The following NRXN3 variants were observed in gnomAD, a reference collection of about 807,000 sequenced individuals.
The protein encoded by NRXN3 is neurexin 3.
Under a neutral mutation model 137.6 loss-of-function variants are expected in NRXN3, and 32 were observed. The observed-to-expected ratio is 0.23, with a 90% confidence interval of 0.18 to 0.31. The LOEUF is 0.31. Among genes scored for constraint, NRXN3 ranks in the 10% least tolerant of loss-of-function variants. The pLI, the probability that NRXN3 is intolerant of heterozygous loss-of-function variation, is 1.00. For missense variants in NRXN3, 1,574 were observed against 2,062.5 expected (o/e 0.76, Z 4.59); for synonymous variants, 798 against 784.5 (o/e 1.02, Z -0.29).
intron 4 of NRXN3, among the ~76,000 whole-genome samples, chr14:78,514,964 C>T (rs1166254891): frequency 6.6e-6 from 1 of 152,112 alleles, no homozygotes; most frequent in Admixed American, 6.6e-5. Context: ...CAAGGAGCAG[C>T]TGTCATTGCT....
chr14:79,816,417 T>G (rs1159582907), intron 20 of NRXN3, among the ~76,000 whole-genome samples: 1 of 152,210 alleles, frequency 6.6e-6, no homozygotes, highest in Non-Finnish European at 1.5e-5. Flanking sequence ...GTATTATGGT[T>G]GTGTCAATGG....
intron 4 of NRXN3, among the ~76,000 whole-genome samples, chr14:78,375,997 C>T (rs1220393194): frequency 2.2e-5 from 3 of 136,686 alleles, no homozygotes; most frequent in South Asian, 2.4e-4. Context: ...ACTTCTTCCT[C>T]CTTGATACAC....
At chr14:78,524,195 T>A (rs1050302988) in intron 4 of NRXN3, among the ~76,000 whole-genome samples, 2 of 151,084 alleles carry the variant, frequency 1.3e-5, no homozygotes, top group Admixed American at 6.6e-5. Context: ...TTAGTGTATG[T>A]TTTTTTTTGT....
At position 78,673,518 on chromosome 14, in the gene NRXN3, A is replaced by G. The variant is rs533461528; in HGVS notation, c.1221+22192A>G. On this transcript the variant is annotated intron_variant, in intron 6 of 20. Transcript: ENST00000335750. ...GTTTGGGGTGTGGGTACGAAAATAA[A>G]GACAGATTCCCAGATGTCTCCGTCA... Among the ~76,000 whole-genome samples the G allele has an allele frequency of 1.7e-3, 258 of 152,336 alleles. 1 individual carries two copies. Among genetic ancestry groups the G allele is most frequent in the Non-Finnish European group, 2.9e-3 (200 of 68,020 alleles).
intron 16 of NRXN3, among the ~76,000 whole-genome samples, chr14:79,642,301 T>C (rs564974340): frequency 7.4e-6 from 1 of 135,712 alleles, no homozygotes; most frequent in South Asian, 2.3e-4. Context: ...CCATGTGGTA[T>C]CCCCACAGCT....
intron 1 of NRXN3, among the ~76,000 whole-genome samples, chr14:78,225,974 G>GGGGT (rs1555412825): frequency 1.6e-5 from 2 of 123,632 alleles, no homozygotes; most frequent in East Asian, 2.4e-4. Flanking sequence ...TGTGTGTGTT[G>GGGGT]GTGTGTGTGT....
intron 10 of NRXN3, among the ~76,000 whole-genome samples, chr14:78,876,828 T>C (rs1324511919): frequency 1.3e-5 from 2 of 152,226 alleles, no homozygotes; most frequent in Non-Finnish European, 2.9e-5. Flanking sequence ...AGGTTTTACA[T>C]AGTGCATTCC....
At chr14:78,584,128 A>G (rs1392045170) in intron 4 of NRXN3, among the ~76,000 whole-genome samples, 1 of 152,146 alleles carries the variant, frequency 6.6e-6, no homozygotes, top group Non-Finnish European at 1.5e-5. Flanking sequence ...CCTCCTAATC[A>G]CTAAACCATG....
At chr14:79,854,325 T>A (rs1027278304) in intron 20 of NRXN3, 1 of 198,376 alleles carries the variant, frequency 5.0e-6, no homozygotes, top group African/African-American at 2.4e-5. Context: ...TTAATTTGCT[T>A]TTACTTTTTC....
At chr14:79,411,904 A>G (rs2095422390) in intron 15 of NRXN3, among the ~76,000 whole-genome samples, 2 of 152,182 alleles carry the variant, frequency 1.3e-5, no homozygotes, top group Non-Finnish European at 2.9e-5. Flanking sequence ...TTCTGAGTGC[A>G]TTGTGATGTG....
At chr14:78,265,708 TG>T (rs2071579598) in intron 2 of NRXN3, among the ~76,000 whole-genome samples, 1 of 152,180 alleles carries the variant, frequency 6.6e-6, no homozygotes, top group African/African-American at 2.4e-5. Context: ...AGCAATGACC[TG>T]GGATGCAGAT....
intron 4 of NRXN3, among the ~76,000 whole-genome samples, chr14:78,395,037 T>C (rs374947870): frequency 2.3e-4 from 35 of 152,020 alleles, no homozygotes; most frequent in African/African-American, 8.2e-4. Context: ...TAATTTTCTA[T>C]ACTTATTTCA....
At chr14:79,699,331 G>GTC (rs1314451119) in intron 19 of NRXN3, among the ~76,000 whole-genome samples, 17 of 152,108 alleles carry the variant, frequency 1.1e-4, no homozygotes, top group African/African-American at 4.1e-4. Context: ...TTTATTGTTG[G>GTC]TGAAAGGATA....
At chr14:79,229,703 G>T (rs1381303433) in intron 15 of NRXN3, among the ~76,000 whole-genome samples, 1 of 152,082 alleles carries the variant, frequency 6.6e-6, no homozygotes, top group Non-Finnish European at 1.5e-5. Flanking sequence ...TGCTCTCCCA[G>T]TGGAGAGCAG....
intron 8 of NRXN3, among the ~76,000 whole-genome samples, chr14:78,797,461 AC>A (rs1358527556): frequency 1.3e-5 from 2 of 152,226 alleles, no homozygotes; most frequent in Non-Finnish European, 1.5e-5. Flanking sequence ...TGTTCAAATA[AC>A]TAAAGGAAAT....
chr14:78,794,628 G>A (rs992663120), intron 8 of NRXN3, among the ~76,000 whole-genome samples: 52 of 151,506 alleles, frequency 3.4e-4, no homozygotes, highest in Admixed American at 3.9e-4. Flanking sequence ...GTGTGTGTGT[G>A]TGTGTGTATA....
rs1469719851 is a variant in NRXN3 at position 79,597,024 on chromosome 14, T to C, written c.3445-66754T>C. On this transcript the variant is annotated intron_variant, in intron 16 of 20. Transcript: ENST00000335750. ...ATACCAGCTTATCAGATGGATCCCC[T>C]ACCTGGCAAAGGGAAGATCCTCTTT... Among the ~76,000 whole-genome samples, 5 of 152,168 alleles carry C rather than the reference T, an allele frequency of 3.3e-5. 1 individual carries two copies. In the South Asian group the frequency reaches 8.3e-4, roughly 25 times the overall value.
At chr14:79,647,154 A>G (rs2098456485) in intron 16 of NRXN3, among the ~76,000 whole-genome samples, 1 of 135,990 alleles carries the variant, frequency 7.4e-6, no homozygotes, top group African/African-American at 2.4e-5. Flanking sequence ...AAACCTCAAC[A>G]TGGTAGAGTG....
intron 16 of NRXN3, among the ~76,000 whole-genome samples, chr14:79,595,545 A>C (rs1361820118): frequency 6.6e-6 from 1 of 152,202 alleles, no homozygotes; most frequent in Non-Finnish European, 1.5e-5. Context: ...AAACTCAAGC[A>C]GTGTAAAATA....
Sources: gnomAD v4.1 joint callset for allele counts (sites outside exome capture counted in the v4.1 genomes callset) on GRCh38, gnomAD v4.1.1 for gene constraint, MANE v1.5 for transcripts, NCBI Gene and HGNC (gene_info 2026-07-23, HGNC 2026-07-21) for gene names.